The following MAML3 variants were observed in gnomAD, a reference collection of about 807,000 sequenced individuals.
MAML3 encodes the protein mastermind like transcriptional coactivator 3.
In MAML3, 27 loss-of-function variants were observed where a neutral mutation model predicts 101.9. The ratio of observed to expected loss-of-function variants is 0.27; its 90% CI spans 0.20 to 0.37. The LOEUF is 0.37. MAML3 is among the 10% of genes least tolerant of loss of function. The pLI, the probability that MAML3 is intolerant of heterozygous loss-of-function variation, is 1.00. For missense variants in MAML3, 1,316 were observed against 1,444.9 expected, an observed-to-expected ratio of 0.91 and a Z score of 1.45; for synonymous variants, 501 against 555.9, an observed-to-expected ratio of 0.90 and a Z score of 1.39.
chr4:139,731,514 A>T (rs1728719666), intron 2 of MAML3: 1 of 153,480 alleles, frequency 6.5e-6, no homozygotes, highest in Admixed American at 6.7e-5. Flanking sequence ...GCTACTCGGG[A>T]AGCTAAGGCA....
chr4:140,137,899 C>T (rs1005660533), intron 1 of MAML3, among the ~76,000 whole-genome samples: 14 of 152,204 alleles, frequency 9.2e-5, no homozygotes, highest in Non-Finnish European at 1.6e-4. Flanking sequence ...GTGGAGGGCA[C>T]GAAGGCATGA....
chr4:140,033,692 G>GCT (rs1224870456), intron 1 of MAML3, among the ~76,000 whole-genome samples: 5 of 152,182 alleles, frequency 3.3e-5, no homozygotes, highest in Non-Finnish European at 7.3e-5. Flanking sequence ...AGTCACCTAA[G>GCT]CTCTCAGTTT....
At chr4:139,797,759 C>T (rs1280074883) in intron 2 of MAML3, among the ~76,000 whole-genome samples, 1 of 151,936 alleles carries the variant, frequency 6.6e-6, no homozygotes, top group African/African-American at 2.4e-5. Flanking sequence ...CCTGCACCCC[C>T]CAAAAAAGAC....
chr4:140,142,339 GAATTA>G (rs1728991269), intron 1 of MAML3, among the ~76,000 whole-genome samples: 1 of 152,046 alleles, frequency 6.6e-6, no homozygotes, highest in South Asian at 2.1e-4. Context: ...TTGAGGGGAG[GAATTA>G]AGTCACTTCT....
intron 2 of MAML3, among the ~76,000 whole-genome samples, chr4:139,738,337 A>C (rs1220186878): frequency 6.6e-6 from 1 of 152,252 alleles, no homozygotes; most frequent in Non-Finnish European, 1.5e-5. Flanking sequence ...TGAGGTCAGG[A>C]GATCAAGACC....
intron 2 of MAML3, among the ~76,000 whole-genome samples, chr4:139,737,656 T>C (rs1728998702): frequency 6.6e-6 from 1 of 152,162 alleles, no homozygotes; most frequent in Non-Finnish European, 1.5e-5. Context: ...CATTCAACCA[T>C]AAGTGGAAGG....
At chr4:139,884,715 C>G (rs1732292369) in intron 2 of MAML3, among the ~76,000 whole-genome samples, 1 of 152,206 alleles carries the variant, frequency 6.6e-6, no homozygotes, top group Non-Finnish European at 1.5e-5. Flanking sequence ...AGGATTCATT[C>G]TAGACTTGCC....
intron 2 of MAML3, among the ~76,000 whole-genome samples, chr4:139,877,762 AAC>A (rs1732143059): frequency 6.6e-6 from 1 of 152,206 alleles, no homozygotes; most frequent in South Asian, 2.1e-4. Flanking sequence ...GGAAATATAA[AAC>A]AGAAGAATAA....
At chr4:139,997,385 T>C (rs1273268854) in intron 1 of MAML3, among the ~76,000 whole-genome samples, 4 of 152,010 alleles carry the variant, frequency 2.6e-5, no homozygotes, top group African/African-American at 9.7e-5. Context: ...TCACAATCTA[T>C]TGCAGATTAA....
chr4:139,729,946 T>C (rs1191377496), intron 3 of MAML3, among the ~76,000 whole-genome samples: 1 of 152,258 alleles, frequency 6.6e-6, no homozygotes, highest in African/African-American at 2.4e-5. Flanking sequence ...CTGCTATTGT[T>C]CCTGATCCAT....
intron 1 of MAML3, among the ~76,000 whole-genome samples, chr4:139,990,249 C>T (rs189321599): frequency 1.5e-4 from 23 of 152,196 alleles, no homozygotes; most frequent in East Asian, 7.7e-4. Context: ...GTTCAATATA[C>T]GCAAATCAAT....
chr4:139,956,195 A>G (rs940710831), intron 1 of MAML3, among the ~76,000 whole-genome samples: 1 of 152,184 alleles, frequency 6.6e-6, no homozygotes, highest in African/African-American at 2.4e-5. Flanking sequence ...TGGCATGTCT[A>G]CCATTCACGG....
intron 1 of MAML3, among the ~76,000 whole-genome samples, chr4:139,912,604 A>C (rs911192011): frequency 1.3e-5 from 2 of 152,238 alleles, no homozygotes; most frequent in Non-Finnish European, 2.9e-5. Flanking sequence ...GTCATACTGG[A>C]GTAGAACAGG....
chr4:139,817,086 C>G (rs183800686), intron 2 of MAML3, among the ~76,000 whole-genome samples: 2 of 152,272 alleles, frequency 1.3e-5, no homozygotes, highest in African/African-American at 4.8e-5. Context: ...GTCACTCTGA[C>G]TACCTTCAAT....
intron 1 of MAML3, among the ~76,000 whole-genome samples, chr4:139,922,431 G>C (rs543032003): frequency 5.3e-5 from 8 of 151,618 alleles, no homozygotes; most frequent in Non-Finnish European, 1.2e-4. Context: ...AGGCAGGCCT[G>C]CTTCAGAGAG....
intron 2 of MAML3, among the ~76,000 whole-genome samples, chr4:139,778,993 A>AAAAG (rs1730147240): frequency 6.6e-6 from 1 of 151,914 alleles, no homozygotes; most frequent in Admixed American, 6.6e-5. Context: ...AAAAAAAAAA[A>AAAAG]AAAAAAGAAA....
chr4:139,777,466 C>T (rs1045727039), intron 2 of MAML3, among the ~76,000 whole-genome samples: 8 of 152,196 alleles, frequency 5.3e-5, no homozygotes, highest in Admixed American at 1.3e-4. Flanking sequence ...CTTGCTTGGA[C>T]CCAGCCAGGA....
At chr4:139,850,234 A>G (rs1049123922) in intron 2 of MAML3, among the ~76,000 whole-genome samples, 1 of 152,206 alleles carries the variant, frequency 6.6e-6, no homozygotes, top group African/African-American at 2.4e-5. Flanking sequence ...GTAAACATTT[A>G]AATAAAGCAA....
intron 2 of MAML3, among the ~76,000 whole-genome samples, chr4:139,734,390 A>G (rs1728844306): frequency 6.6e-6 from 1 of 152,184 alleles, no homozygotes. Flanking sequence ...TTGTTCTCCA[A>G]TCCACTCCTT....
Sources: allele counts gnomAD v4.1 joint callset (sites outside exome capture counted in the v4.1 genomes callset), GRCh38; gene constraint gnomAD v4.1.1; transcripts MANE v1.5; gene names NCBI Gene and HGNC (gene_info 2026-07-23, HGNC 2026-07-21).